Variants in CFAP61 observed in about 807,000 individuals in gnomAD.
CFAP61 encodes the protein cilia and flagella associated protein 61.
A neutral mutation model predicts 135.6 loss-of-function variants in CFAP61; 107 were observed. The observed-to-expected ratio is 0.79, with a 90% CI of 0.67 to 0.93. The LOEUF is 0.93. Among genes scored for constraint, CFAP61 ranks in the 40% least tolerant of loss-of-function variants. CFAP61 has a pLI of 0.00. For missense variants in CFAP61, 1,507 were observed against 1,556.2 expected (o/e 0.97, Z 0.53); for synonymous variants, 575 against 578.5 (o/e 0.99, Z 0.09).
chr20:20,320,326 A>ATGG, intron 25 of CFAP61, among the ~76,000 whole-genome samples: 1 of 57,094 alleles, frequency 1.8e-5, no homozygotes, highest in Admixed American at 2.2e-4. Context: ...ATATATAGAT[A>ATGG]TATATATATT....
chr20:20,246,306 G>T lies in CFAP61; in HGVS notation c.2159+91G>T, dbSNP rs916407512. ...ATGCTAAATAGTAGATTTCAGATTG[G>T]AAAAGGAGAAGTGGTGGGGCTTTTC... On this transcript the variant is annotated intron_variant, in intron 19 of 26. Transcript: ENST00000245957. 8.7e-4 allele frequency: 752 copies of T among 865,404 alleles called. 6 individuals are homozygous for T. The highest frequency in any genetic ancestry group is 7.9e-5 in the Non-Finnish European group (41 of 516,680). The allele number at this position is 865,404 out of a possible 1,614,324, so 53.6% of individuals were successfully genotyped here.
intron 26 of CFAP61, among the ~76,000 whole-genome samples, chr20:20,352,408 T>C (rs1008456994): frequency 6.6e-6 from 1 of 152,110 alleles, no homozygotes; most frequent in African/African-American, 2.4e-5. Flanking sequence ...GACAGACACG[T>C]GGGGATTACA....
intron 18 of CFAP61, among the ~76,000 whole-genome samples, chr20:20,242,422 A>T (rs2050081876): frequency 6.6e-6 from 1 of 152,256 alleles, no homozygotes; most frequent in Non-Finnish European, 1.5e-5. Flanking sequence ...AGCCTTGAGC[A>T]TGTGAGTTCT....
rs372138188 is a variant in CFAP61 at position 20,197,273 on chromosome 20, T to C, written c.1797+497T>C. ...AAAGTGCGGAGATGCCTGATGCCGATGTAACCCCATGTAACACTTGCCACA... is the reference window on the plus strand; with the variant it reads ...AAAGTGCGGAGATGCCTGATGCCGACGTAACCCCATGTAACACTTGCCACA... On this transcript the variant is annotated intron_variant, in intron 16 of 26. Transcript: ENST00000245957. 5.3e-5 allele frequency among the ~76,000 whole-genome samples: 8 copies of C among 152,308 alleles called. No individual in the cohort carries two copies. In the East Asian group the frequency reaches 1.4e-3, roughly 26 times the overall value.
chr20:20,175,462 C>G (rs2054539273), intron 13 of CFAP61, among the ~76,000 whole-genome samples: 1 of 151,828 alleles, frequency 6.6e-6, no homozygotes, highest in Non-Finnish European at 1.5e-5. Flanking sequence ...TTAAGAAGCA[C>G]TGTAGGGGCT....
chr20:20,144,439 A>G (rs373097714), intron 9 of CFAP61, among the ~76,000 whole-genome samples: 4 of 152,198 alleles, frequency 2.6e-5, no homozygotes, highest in South Asian at 4.1e-4. Context: ...AAAATACACC[A>G]GAAGGATTAA....
intron 17 of CFAP61, among the ~76,000 whole-genome samples, chr20:20,224,965 G>C (rs1457637752): frequency 6.6e-6 from 1 of 152,138 alleles, no homozygotes; most frequent in South Asian, 2.1e-4. Context: ...ACCCAAAACA[G>C]AATCTCCAAT....
At chr20:20,121,103 C>CTTTTT (rs869290856) in intron 8 of CFAP61, among the ~76,000 whole-genome samples, 3 of 113,612 alleles carry the variant, frequency 2.6e-5, no homozygotes, top group African/African-American at 1.0e-4. Context: ...TTTATTTTTA[C>CTTTTT]TTTTTTTTTT....
intron 17 of CFAP61, among the ~76,000 whole-genome samples, chr20:20,207,806 C>T (rs2056923997): frequency 6.6e-6 from 1 of 152,162 alleles, no homozygotes; most frequent in Non-Finnish European, 1.5e-5. Context: ...TTCACTCCTC[C>T]TATCTTTTGA....
At chr20:20,191,504 CT>C in intron 15 of CFAP61, 85 bp downstream of exon 15, 1 of 906,960 alleles carries the variant, frequency 1.1e-6, no homozygotes, top group Non-Finnish European at 1.7e-6. Context: ...TGGAGTTGTA[CT>C]TTTACTTATT....
chr20:20,058,034 C>T (rs767147266), intron 2 of CFAP61, among the ~76,000 whole-genome samples: 14 of 152,062 alleles, frequency 9.2e-5, no homozygotes, highest in South Asian at 2.1e-4. Flanking sequence ...GACCCTGTTC[C>T]GCATTATTTT....
chr20:20,335,092 C>T (rs906257674), intron 25 of CFAP61, among the ~76,000 whole-genome samples: 3 of 152,162 alleles, frequency 2.0e-5, no homozygotes, highest in Non-Finnish European at 4.4e-5. Context: ...TAAGCCAGGT[C>T]GGGCCAGATG....
chr20:20,175,338 G>A (rs2054529524), intron 13 of CFAP61, among the ~76,000 whole-genome samples: 1 of 152,228 alleles, frequency 6.6e-6, no homozygotes. Flanking sequence ...GGGATCGGCA[G>A]CAGCAGCATC....
intron 20 of CFAP61, among the ~76,000 whole-genome samples, chr20:20,252,952 A>AT (rs1174551366): frequency 3.3e-5 from 5 of 152,172 alleles, no homozygotes; most frequent in Non-Finnish European, 5.9e-5. Flanking sequence ...AGTCATCAGT[A>AT]TTTTTCAGGT....
chr20:20,172,091 G>A (rs984886410), intron 13 of CFAP61: 2 of 655,902 alleles, frequency 3.0e-6, no homozygotes, highest in African/African-American at 3.8e-5. Flanking sequence ...CATGTGTCCA[G>A]TAAAAAACTC....
At chr20:20,114,312 G>A (rs951023993) in intron 8 of CFAP61, among the ~76,000 whole-genome samples, 1 of 152,144 alleles carries the variant, frequency 6.6e-6, no homozygotes, top group African/African-American at 2.4e-5. Context: ...TGGGGATCTT[G>A]AATGGGATTG....
At chr20:20,204,813 A>G (rs980082133) in intron 17 of CFAP61, among the ~76,000 whole-genome samples, 4 of 152,068 alleles carry the variant, frequency 2.6e-5, no homozygotes, top group African/African-American at 9.7e-5. Context: ...TGGGAGGCAT[A>G]TTTTCTTGAA....
intron 25 of CFAP61, among the ~76,000 whole-genome samples, chr20:20,303,735 C>T (rs991199418): frequency 6.6e-6 from 1 of 152,154 alleles, no homozygotes; most frequent in Non-Finnish European, 1.5e-5. Flanking sequence ...TCGTTCAGAC[C>T]AGGCACGTTT....
At chr20:20,176,565 A>G (rs1458130900) in intron 13 of CFAP61, among the ~76,000 whole-genome samples, 1 of 152,206 alleles carries the variant, frequency 6.6e-6, no homozygotes, top group Non-Finnish European at 1.5e-5. Flanking sequence ...AGGGACATGG[A>G]TGGAGCTGGA....
Sources: gnomAD v4.1 joint callset for allele counts (sites outside exome capture counted in the v4.1 genomes callset) on GRCh38, gnomAD v4.1.1 for gene constraint, MANE v1.5 for transcripts, NCBI Gene and HGNC (gene_info 2026-07-23, HGNC 2026-07-21) for gene names.